Variants in FGF14 observed in about 807,000 individuals in gnomAD.
FGF14 encodes fibroblast growth factor homologous factor 4.
In FGF14, 5 loss-of-function variants were observed where a neutral mutation model predicts 25.5. The ratio of observed to expected loss-of-function variants is 0.20; its 90% CI spans 0.10 to 0.41. The LOEUF (loss-of-function observed/expected upper bound fraction) is 0.41, where lower values mean the gene tolerates loss of function less well. FGF14 is among the 10% of genes least tolerant of loss of function. The probability of loss-of-function intolerance (pLI) is 1.00; values close to 1 mark genes in which losing one functional copy is unlikely to be tolerated. For synonymous variants in FGF14, 138 were observed against 118.3 expected (o/e 1.17, Z -1.08); for missense variants, 222 against 320.1 (o/e 0.69, Z 2.34).
intron 1 of FGF14, among the ~76,000 whole-genome samples, chr13:102,343,001 G>A (rs993078542): frequency 2.0e-5 from 3 of 152,148 alleles, no homozygotes; most frequent in Non-Finnish European, 4.4e-5. Context: ...GTAAGAGTAA[G>A]ATGAAGACTA....
chr13:102,350,788 A>G (rs1023550639), intron 1 of FGF14, among the ~76,000 whole-genome samples: 5 of 152,216 alleles, frequency 3.3e-5, no homozygotes, highest in Non-Finnish European at 5.9e-5. Flanking sequence ...CCACTGAAGT[A>G]AGGAGTGGCG....
At chr13:102,243,830 A>G (rs557684354) in intron 1 of FGF14, among the ~76,000 whole-genome samples, 7 of 152,004 alleles carry the variant, frequency 4.6e-5, no homozygotes, top group Admixed American at 2.6e-4. Flanking sequence ...ATATATACAG[A>G]AAACAGCTAT....
intron 1 of FGF14, among the ~76,000 whole-genome samples, chr13:101,877,445 T>G (rs1308509507): frequency 1.3e-5 from 2 of 152,044 alleles, no homozygotes; most frequent in Admixed American, 1.3e-4. Flanking sequence ...ACTTGGAGGA[T>G]GAAGAAATCG....
At chr13:102,279,826 G>A (rs963567713) in intron 1 of FGF14, among the ~76,000 whole-genome samples, 3 of 152,108 alleles carry the variant, frequency 2.0e-5, no homozygotes, top group Non-Finnish European at 4.4e-5. Context: ...AACTCTATTT[G>A]AAATACATCT....
At chr13:101,726,241 CTTA>C (rs537810169) in intron 4 of FGF14, among the ~76,000 whole-genome samples, 86 of 152,014 alleles carry the variant, frequency 5.7e-4, no homozygotes, top group African/African-American at 1.5e-3. Context: ...TTCTAATATA[CTTA>C]TTATCTTTTT....
At chr13:102,159,319 C>T (rs1291789321) in intron 1 of FGF14, among the ~76,000 whole-genome samples, 4 of 152,136 alleles carry the variant, frequency 2.6e-5, no homozygotes, top group African/African-American at 9.7e-5. Context: ...CCCAGCAAAG[C>T]TTCATAGCAT....
intron 1 of FGF14, among the ~76,000 whole-genome samples, chr13:102,372,129 T>C (rs1270514201): frequency 2.0e-5 from 3 of 152,184 alleles, no homozygotes; most frequent in Admixed American, 2.0e-4. Flanking sequence ...TATAATTTAG[T>C]CTTTTCACTT....
Position 101,714,015 on chromosome 13 carries a change from T to A in FGF14, c.*8816A>T, listed in dbSNP as rs1324491977. On this transcript the variant is annotated 3_prime_UTR_variant, in exon 5 of 5. Coordinates refer to ENST00000376143, the MANE Select transcript of FGF14 (RefSeq NM_004115.4). The stretch of plus-strand genomic sequence containing the variant: ...ATTATAAGCACAATAATTTAGTAGT[T>A]GTTTTAATTAGAAATGCAACCTAAT... The A allele has an allele frequency of 6.4e-6, 1 of 157,172 alleles. No individual in the cohort carries two copies. Among genetic ancestry groups the A allele is most frequent in the Non-Finnish European group, 1.4e-5 (1 of 71,442 alleles). The allele number at this position is 157,172 out of a possible 1,614,324, so 9.7% of individuals were successfully genotyped here. A position where few individuals can be genotyped will look rare whatever the true frequency, so the allele number is the denominator to read the frequency against.
chr13:101,803,701 A>T (rs1160721424), intron 3 of FGF14, among the ~76,000 whole-genome samples: 1 of 152,202 alleles, frequency 6.6e-6, no homozygotes, highest in Non-Finnish European at 1.5e-5. Context: ...ATGATCCTGT[A>T]GATGTGTCCT....
At chr13:101,875,366 C>G in intron 1 of FGF14, 70 bp from the exon 2 acceptor site, 2 of 1,092,576 alleles carry the variant, frequency 1.8e-6, no homozygotes, top group Non-Finnish European at 2.8e-6. Context: ...TTTTCTGTTT[C>G]TCTTTCTTTT....
At chr13:102,019,453 C>T (rs751238736) in intron 1 of FGF14, among the ~76,000 whole-genome samples, 40 of 152,136 alleles carry the variant, frequency 2.6e-4, no homozygotes, top group Non-Finnish European at 2.9e-5. Flanking sequence ...TTGTGCCTGA[C>T]TTCCCTGATT....
At chr13:102,047,346 A>C (rs2042029351) in intron 1 of FGF14, among the ~76,000 whole-genome samples, 2 of 152,190 alleles carry the variant, frequency 1.3e-5, no homozygotes, top group African/African-American at 4.8e-5. Context: ...GCAAACCTAA[A>C]AGATTCTAAT....
intron 1 of FGF14, among the ~76,000 whole-genome samples, chr13:102,299,375 A>G (rs1055937697): frequency 3.9e-5 from 6 of 152,186 alleles, no homozygotes; most frequent in African/African-American, 1.4e-4. Context: ...AATATAAAGC[A>G]GTGCAAACAA....
At chr13:102,129,923 C>T (rs2046120126) in intron 1 of FGF14, among the ~76,000 whole-genome samples, 1 of 152,060 alleles carries the variant, frequency 6.6e-6, no homozygotes, top group Non-Finnish European at 1.5e-5. Flanking sequence ...TTTCCTTGGG[C>T]CAAAATCAGC....
chr13:102,298,998 T>C (rs2054880993), intron 1 of FGF14, among the ~76,000 whole-genome samples: 1 of 152,180 alleles, frequency 6.6e-6, no homozygotes, highest in South Asian at 2.1e-4. Context: ...TCTTGTTTTA[T>C]GCTGAGAGCA....
chr13:101,748,615 C>A (rs1044709011), intron 3 of FGF14, among the ~76,000 whole-genome samples: 2 of 151,430 alleles, frequency 1.3e-5, no homozygotes, highest in Non-Finnish European at 3.0e-5. Flanking sequence ...TACTAGTAGC[C>A]CCTAAATTAT....
At chr13:102,057,015 A>G (rs1487073834) in intron 1 of FGF14, among the ~76,000 whole-genome samples, 1 of 151,854 alleles carries the variant, frequency 6.6e-6, no homozygotes, top group Non-Finnish European at 1.5e-5. Flanking sequence ...GAATCCAATT[A>G]CATTTTATTT....
chr13:101,991,671 T>C (rs2038913360), intron 1 of FGF14, among the ~76,000 whole-genome samples: 1 of 152,016 alleles, frequency 6.6e-6, no homozygotes, highest in African/African-American at 2.4e-5. Flanking sequence ...CACATGTAAA[T>C]GGCAGAGAAA....
chr13:101,956,970 TTTAA>T (rs199594408), intron 1 of FGF14, among the ~76,000 whole-genome samples: 2,210 of 152,108 alleles, frequency 0.015, 55 homozygotes, highest in African/African-American at 0.051. Flanking sequence ...CCATGACACA[TTTAA>T]TTGAGAGAAT....
Sources: gnomAD v4.1 joint callset for allele counts (sites outside exome capture counted in the v4.1 genomes callset) on GRCh38, gnomAD v4.1.1 for gene constraint, MANE v1.5 for transcripts, NCBI Gene and HGNC (gene_info 2026-07-23, HGNC 2026-07-21) for gene names.